Variants in EXOC6B observed in about 807,000 individuals in gnomAD.
EXOC6B encodes the protein exocyst complex component 6B.
EXOC6B carries 54 observed loss-of-function variants against 113.5 expected under a neutral mutation model. The observed-to-expected ratio is 0.48, with a 90% CI of 0.38 to 0.60. EXOC6B has a LOEUF of 0.60. EXOC6B is among the 20% of genes least tolerant of loss of function. EXOC6B has a pLI of 0.00. For synonymous variants in EXOC6B, 357 were observed against 339.0 expected, an observed-to-expected ratio of 1.05 and a Z score of -0.58; for missense variants, 797 against 977.5, an observed-to-expected ratio of 0.82 and a Z score of 2.46.
chr2:72,556,750 T>A lies in EXOC6B; in HGVS notation c.915+2703A>T, dbSNP rs74258815. Among the ~76,000 whole-genome samples the A allele has an allele frequency of 4.8e-3, 721 of 150,818 alleles. 5 individuals are homozygous for A. The highest frequency in any genetic ancestry group is 7.8e-3 in the Non-Finnish European group (525 of 67,630). ...GTGACAGCAGGATAAAGAGGTATTTTAAAAAAAAACTCAAAAGTTTAAACT... is the reference window on the plus strand; with the variant it reads ...GTGACAGCAGGATAAAGAGGTATTTAAAAAAAAAACTCAAAAGTTTAAACT... On this transcript the variant is annotated intron_variant, in intron 8 of 21. Transcript: ENST00000272427.
At chr2:72,658,123 T>A in intron 6 of EXOC6B, among the ~76,000 whole-genome samples, 1 of 150,884 alleles carries the variant, frequency 6.6e-6, no homozygotes. Context: ...ATACTGAAGG[T>A]AACAGAGAAA....
intron 20 of EXOC6B, among the ~76,000 whole-genome samples, chr2:72,331,882 G>C (rs1688433648): frequency 6.6e-6 from 1 of 152,062 alleles, no homozygotes; most frequent in African/African-American, 2.4e-5. Context: ...GAATAGTTTT[G>C]CTATCCGCAT....
At chr2:72,452,246 G>T (rs1696962797) in intron 18 of EXOC6B, among the ~76,000 whole-genome samples, 1 of 152,186 alleles carries the variant, frequency 6.6e-6, no homozygotes. Context: ...ATAGTCATCT[G>T]AGTTGGAGGA....
intron 20 of EXOC6B, among the ~76,000 whole-genome samples, chr2:72,285,677 G>C (rs1685383866): frequency 6.6e-6 from 1 of 151,920 alleles, no homozygotes; most frequent in Non-Finnish European, 1.5e-5. Context: ...CTCTGCAAAA[G>C]ACACTCAAAA....
intron 20 of EXOC6B, among the ~76,000 whole-genome samples, chr2:72,271,381 T>A (rs950258079): frequency 1.3e-5 from 2 of 152,064 alleles, no homozygotes; most frequent in South Asian, 4.1e-4. Context: ...TTAAGCAGTA[T>A]CTCTTGAGGA....
chr2:72,375,153 C>A (rs1404842449), intron 19 of EXOC6B, among the ~76,000 whole-genome samples: 1 of 151,874 alleles, frequency 6.6e-6, no homozygotes, highest in East Asian at 1.9e-4. Flanking sequence ...CACCCAATAA[C>A]AGAGCTTCAA....
At chr2:72,340,032 C>G (rs1289990393) in intron 19 of EXOC6B, among the ~76,000 whole-genome samples, 3 of 152,078 alleles carry the variant, frequency 2.0e-5, no homozygotes, top group Non-Finnish European at 1.5e-5. Context: ...GGATGCCACC[C>G]ATTTCAAAGT....
chr2:72,522,983 G>GCTCTGA (rs545426954), intron 8 of EXOC6B, among the ~76,000 whole-genome samples: 271 of 152,234 alleles, frequency 1.8e-3, no homozygotes, highest in African/African-American at 6.5e-3. Flanking sequence ...ACTAACATGG[G>GCTCTGA]CTCTGAATGA....
intron 20 of EXOC6B, among the ~76,000 whole-genome samples, chr2:72,296,799 T>C (rs971410222): frequency 6.6e-6 from 1 of 152,134 alleles, no homozygotes; most frequent in Non-Finnish European, 1.5e-5. Context: ...TCTGTTTTTT[T>C]CCTCAGTTTC....
intron 6 of EXOC6B, among the ~76,000 whole-genome samples, chr2:72,690,431 T>G (rs901564642): frequency 1.3e-5 from 2 of 152,226 alleles, no homozygotes; most frequent in Non-Finnish European, 2.9e-5. Flanking sequence ...AAATATCAGT[T>G]GATCATGTCA....
At chr2:72,460,015 T>C (rs1488612335) in intron 18 of EXOC6B, among the ~76,000 whole-genome samples, 5 of 151,842 alleles carry the variant, frequency 3.3e-5, no homozygotes, top group Admixed American at 6.6e-5. Flanking sequence ...GAGATATAGA[T>C]CAATGGAACA....
chr2:72,409,725 G>C (rs1460132318), intron 18 of EXOC6B, among the ~76,000 whole-genome samples: 1 of 150,934 alleles, frequency 6.6e-6, no homozygotes, highest in South Asian at 2.1e-4. Context: ...TGTGGGGTAG[G>C]GGGAGGGGGG....
chr2:72,672,022 A>T (rs1053464706), intron 6 of EXOC6B, among the ~76,000 whole-genome samples: 1 of 152,126 alleles, frequency 6.6e-6, no homozygotes, highest in African/African-American at 2.4e-5. Context: ...AATTACTTTT[A>T]TCAAAAAGAC....
chr2:72,369,531 CA>C (rs1450840932), intron 19 of EXOC6B, among the ~76,000 whole-genome samples: 1 of 152,000 alleles, frequency 6.6e-6, no homozygotes, highest in African/African-American at 2.4e-5. Context: ...CATATGGAAG[CA>C]AAAAAGAGCC....
At chr2:72,598,539 AT>A (rs1558830715) in intron 6 of EXOC6B, among the ~76,000 whole-genome samples, 1 of 151,994 alleles carries the variant, frequency 6.6e-6, no homozygotes, top group Non-Finnish European at 1.5e-5. Flanking sequence ...GAAAAGAATA[AT>A]TAACATTGGA....
At chr2:72,350,935 CT>C (rs1689616537) in intron 19 of EXOC6B, among the ~76,000 whole-genome samples, 1 of 152,094 alleles carries the variant, frequency 6.6e-6, no homozygotes, top group Non-Finnish European at 1.5e-5. Context: ...TAAAATGTTC[CT>C]TGTTGAAAAA....
At chr2:72,603,846 G>T (rs1230521798) in intron 6 of EXOC6B, among the ~76,000 whole-genome samples, 1 of 152,064 alleles carries the variant, frequency 6.6e-6, no homozygotes, top group Non-Finnish European at 1.5e-5. Context: ...CTCTGCAAAA[G>T]ATGTTTTTTG....
In EXOC6B at chr2:72,465,351, T is replaced by C. The variant is rs770419052; in HGVS notation, c.1801-12A>G. On this transcript the variant is annotated splice_polypyrimidine_tract_variant and intron_variant, in intron 17 of 21. Transcript: ENST00000272427. ...GCATGTCTAGCATCCTGTGAAAAAA[T>C]ATAAAATTTGAAAAATCACTCAGAT... 32 of 1,556,636 alleles carry C rather than the reference T, an allele frequency of 2.1e-5. No homozygotes were observed.
At chr2:72,277,731 T>G (rs1465688832) in intron 20 of EXOC6B, among the ~76,000 whole-genome samples, 2 of 152,062 alleles carry the variant, frequency 1.3e-5, no homozygotes, top group African/African-American at 4.8e-5. Flanking sequence ...TGACCTCAAG[T>G]GATCCTACTG....
Sources: gnomAD v4.1 joint callset for allele counts (sites outside exome capture counted in the v4.1 genomes callset) on GRCh38, gnomAD v4.1.1 for gene constraint, MANE v1.5 for transcripts, NCBI Gene and HGNC (gene_info 2026-07-23, HGNC 2026-07-21) for gene names.